WWOX: variants seen among roughly 807,000 people sequenced by gnomAD.
The protein encoded by WWOX is WW domain-containing oxidoreductase.
Under a neutral mutation model 46.2 loss-of-function variants are expected in WWOX, and 69 were observed. That is an observed-to-expected ratio of 1.49 (90% CI 1.23 to 1.82). The LOEUF (loss-of-function observed/expected upper bound fraction) is 1.82, where lower values mean the gene tolerates loss of function less well. WWOX is among the 40% of genes most tolerant of loss of function. The pLI is 0.00. For synonymous variants in WWOX, 359 were observed against 202.6 expected (o/e 1.77, Z -6.56); for missense variants, 919 against 542.6 (o/e 1.69, Z -6.89).
intron 8 of WWOX, chr16:78,757,133 C>A (rs1291626906): frequency 7.8e-6 from 5 of 639,972 alleles, no homozygotes; most frequent in Admixed American, 7.6e-5. Flanking sequence ...AACCACCGAG[C>A]TAAGCTGCTC....
At chr16:78,296,835 T>C (rs2079950620) in intron 5 of WWOX, among the ~76,000 whole-genome samples, 1 of 152,226 alleles carries the variant, frequency 6.6e-6, no homozygotes, top group Non-Finnish European at 1.5e-5. Flanking sequence ...TTGAGAGCTC[T>C]GGGTCTCGTT....
At chr16:78,764,350 T>C (rs1254155862) in intron 8 of WWOX, among the ~76,000 whole-genome samples, 6 of 151,448 alleles carry the variant, frequency 4.0e-5, no homozygotes, top group African/African-American at 1.5e-4. Context: ...TAATTCCCTG[T>C]GAGCTTGACA....
intron 4 of WWOX, among the ~76,000 whole-genome samples, chr16:78,118,310 A>T (rs2032913796): frequency 6.6e-6 from 1 of 152,176 alleles, no homozygotes; most frequent in Non-Finnish European, 1.5e-5. Flanking sequence ...ATCTAAAAAA[A>T]ATCAGGGATT....
intron 5 of WWOX, among the ~76,000 whole-genome samples, chr16:78,181,651 T>A (rs1567616178): frequency 6.6e-6 from 1 of 152,214 alleles, no homozygotes; most frequent in Non-Finnish European, 1.5e-5. Flanking sequence ...TGACTGGGGT[T>A]ACTTAATACC....
intron 8 of WWOX, chr16:78,897,252 A>AC (rs2044723303): frequency 6.7e-6 from 1 of 149,640 alleles, no homozygotes; most frequent in Non-Finnish European, 1.5e-5. Flanking sequence ...AAAAAAAAAA[A>AC]AAAAAAAAAA....
intron 8 of WWOX, among the ~76,000 whole-genome samples, chr16:78,613,947 G>A (rs2045959018): frequency 6.6e-6 from 1 of 152,182 alleles, no homozygotes; most frequent in Non-Finnish European, 1.5e-5. Context: ...GTACCTGTTG[G>A]TTTACGTACT....
At chr16:78,226,482 T>G (rs1213393775) in intron 5 of WWOX, among the ~76,000 whole-genome samples, 1 of 134,130 alleles carries the variant, frequency 7.5e-6, no homozygotes, top group African/African-American at 3.0e-5. Context: ...CTGTCCTGTC[T>G]TCCCTCCCTC....
chr16:78,640,551 G>C (rs1001559795), intron 8 of WWOX, among the ~76,000 whole-genome samples: 1 of 152,114 alleles, frequency 6.6e-6, no homozygotes, highest in African/African-American at 2.4e-5. Flanking sequence ...TAGGTGATAC[G>C]TTGATCTGTA....
intron 8 of WWOX, among the ~76,000 whole-genome samples, chr16:78,447,896 T>A (rs1351880705): frequency 6.6e-6 from 1 of 152,154 alleles, no homozygotes; most frequent in Non-Finnish European, 1.5e-5. Context: ...GTCCACCTCC[T>A]GGGTTTAATC....
intron 8 of WWOX, among the ~76,000 whole-genome samples, chr16:78,587,414 A>G (rs952252600): frequency 6.6e-6 from 1 of 152,094 alleles, no homozygotes; most frequent in African/African-American, 2.4e-5. Flanking sequence ...GAATAATAAA[A>G]AGAAACAATT....
intron 8 of WWOX, among the ~76,000 whole-genome samples, chr16:78,447,354 T>C: frequency 6.6e-6 from 1 of 152,236 alleles, no homozygotes; most frequent in South Asian, 2.1e-4. Context: ...AAGCTGCTTA[T>C]TGCATCATCA....
At chr16:78,460,312 G>C (rs1465386607) in intron 8 of WWOX, among the ~76,000 whole-genome samples, 1 of 152,060 alleles carries the variant, frequency 6.6e-6, no homozygotes, top group Non-Finnish European at 1.5e-5. Flanking sequence ...ATTTTTAGTA[G>C]AGGCGGAGTT....
chr16:78,883,031 G>A (rs1015183996), intron 8 of WWOX, among the ~76,000 whole-genome samples: 1 of 152,134 alleles, frequency 6.6e-6, no homozygotes. Context: ...CTAAATTGAA[G>A]GCTTGAGGAC....
intron 5 of WWOX, among the ~76,000 whole-genome samples, chr16:78,264,112 A>C (rs191394021): frequency 1.3e-3 from 190 of 147,796 alleles, no homozygotes; most frequent in African/African-American, 4.5e-3. Context: ...AACGGTGATC[A>C]CTTCTTGAGT....
chr16:78,116,962 C>G (rs994704418), intron 4 of WWOX, among the ~76,000 whole-genome samples: 4 of 152,156 alleles, frequency 2.6e-5, no homozygotes, highest in Non-Finnish European at 4.4e-5. Context: ...TTTGCAACAG[C>G]AGACCTGCGA....
intron 5 of WWOX, among the ~76,000 whole-genome samples, chr16:78,354,312 CTTTT>C (rs55635025): frequency 1.6e-5 from 2 of 123,306 alleles, no homozygotes; most frequent in Admixed American, 8.7e-5. Flanking sequence ...ATGTGCTTAA[CTTTT>C]TTTTTTTTTT....
At chr16:78,628,803 C>T (rs1243339722) in intron 8 of WWOX, among the ~76,000 whole-genome samples, 1 of 152,092 alleles carries the variant, frequency 6.6e-6, no homozygotes, top group Non-Finnish European at 1.5e-5. Flanking sequence ...AATGTTGATG[C>T]CGACGACTAG....
intron 8 of WWOX, among the ~76,000 whole-genome samples, chr16:79,148,899 T>C (rs1487257580): frequency 7.3e-6 from 1 of 137,006 alleles, no homozygotes; most frequent in Non-Finnish European, 1.6e-5. Flanking sequence ...ATTATAAAGT[T>C]CCAGGAGTTT....
Position 78,816,313 on chromosome 16 carries a change from C to G in WWOX, c.1056+383561C>G, listed in dbSNP as rs547924530. Among the ~76,000 whole-genome samples, 5 of 152,176 alleles carry G rather than the reference C, an allele frequency of 3.3e-5. No homozygotes were observed. The East Asian group carries it at 9.7e-4, about 29-fold the overall frequency. ...AGTAAAACTCTGTGAATGTTCACTT[C>G]ATTTTTTCCTGATATATCGAGGACT... On this transcript the variant is annotated intron_variant, in intron 8 of 8. Coordinates refer to ENST00000566780, the MANE Select transcript of WWOX (RefSeq NM_016373.4).
Sources: gnomAD v4.1 joint callset for allele counts (sites outside exome capture counted in the v4.1 genomes callset) on GRCh38, gnomAD v4.1.1 for gene constraint, MANE v1.5 for transcripts, NCBI Gene and HGNC (gene_info 2026-07-23, HGNC 2026-07-21) for gene names.